Variants in USH1G observed in about 807,000 individuals in gnomAD.
The protein encoded by USH1G is pre-mRNA splicing regulator USH1G.
Under a neutral mutation model 31.9 loss-of-function variants are expected in USH1G, and 27 were observed. The observed-to-expected ratio is 0.85, with a 90% confidence interval of 0.62 to 1.17. USH1G has a LOEUF of 1.17. Among genes scored for constraint, USH1G ranks in the 50% most tolerant of loss-of-function variants. The pLI is 0.00. For synonymous variants in USH1G, 266 were observed against 283.2 expected, an observed-to-expected ratio of 0.94 and a Z score of 0.61; for missense variants, 674 against 638.9, an observed-to-expected ratio of 1.05 and a Z score of -0.59.
Position 74,922,971 on chromosome 17 carries a change from G to T in USH1G, c.103C>A (p.Pro35Thr). The T allele has an allele frequency of 1.3e-6, 2 of 1,556,482 alleles. No homozygotes were observed. The highest frequency in any genetic ancestry group is 4.8e-5 in the East Asian group (2 of 41,604). ...CCATGGTAGGCAGCCCAGAGAGTGG[G>T]GGTCATGCCATCCTCGTCGGGGGCA... is the stretch of plus-strand genomic sequence containing the variant. Reference protein sequence around the residue: ...LNAPDEDGMTPTLWAAYHGNL... With the variant: ...LNAPDEDGMTTTLWAAYHGNL... The change falls in exon 1 of 3, where the codon CCC becomes ACC. Residue 35 changes from proline to threonine, a missense_variant. By Grantham distance (38) the Pro-to-Thr change is conservative. Transcript: ENST00000614341.
At position 74,916,670 on chromosome 17, in the gene USH1G, G is replaced by C. The variant is rs2144747195; in HGVS notation, c.*1403C>G. On this transcript the variant is annotated 3_prime_UTR_variant, in exon 3 of 3. Transcript: ENST00000614341. ...GGACTCTCCCACATCTGTGACCTCA[G>C]TCTGGCTGGAGAGCTTTGGGGGCAT... The C allele has an allele frequency of 1.3e-5, 2 of 152,430 alleles. No individual in the cohort carries two copies. The highest frequency in any genetic ancestry group is 4.1e-4 in the South Asian group (2 of 4,838). The allele number at this position is 152,430 out of a possible 1,614,324, so 9.4% of individuals were successfully genotyped here.
chr17:74,918,098 G>A lies in USH1G; in HGVS notation c.1383-22C>T. Reference sequence around the variant, plus strand: ...TTATCTGTGGAGGAAGAGACAGAAAGAAACAGATCTCACATGAGGCCCTCC... The same window carrying A: ...TTATCTGTGGAGGAAGAGACAGAAAAAAACAGATCTCACATGAGGCCCTCC... On this transcript the variant is annotated intron_variant, in intron 2 of 2. Coordinates refer to ENST00000614341, the MANE Select transcript of USH1G (RefSeq NM_173477.5). The surrounding 1 kb of genome is among the most constrained non-coding windows in gnomAD (Gnocchi z 4.1). The A allele has an allele frequency of 6.2e-7, 1 of 1,613,908 alleles. No homozygotes were observed. Among genetic ancestry groups the A allele is most frequent in the Non-Finnish European group, 8.5e-7 (1 of 1,179,928 alleles).
chr17:74,919,344 G>T lies in USH1G; in HGVS notation c.1382+110C>A. On this transcript the variant is annotated intron_variant, in intron 2 of 2. Transcript: ENST00000614341. The surrounding 1 kb of genome is among the most constrained non-coding windows in gnomAD (Gnocchi z 4.5). ...ATCGATGGCCTCATTTCGATTTTAT[G>T]AAATACAGTATCCCCCACCCCCTAC... The T allele has an allele frequency of 6.9e-7, 1 of 1,447,176 alleles. No homozygotes were observed. The highest frequency in any genetic ancestry group is 9.1e-7 in the Non-Finnish European group (1 of 1,098,296). 89.6% of individuals were successfully genotyped at this position (1,447,176 alleles called of 1,614,324 possible). A position where few individuals can be genotyped will look rare whatever the true frequency, so the allele number is the denominator to read the frequency against.
chr17:74,919,437 C>G lies in USH1G; in HGVS notation c.1382+17G>C, dbSNP rs970523771. On this transcript the variant is annotated intron_variant, in intron 2 of 2. Coordinates refer to ENST00000614341, the MANE Select transcript of USH1G (RefSeq NM_173477.5). This position sits in a 1 kb window ranked among gnomAD's most constrained non-coding sequence, Gnocchi z 4.5. ...AACTCCTGCTCCTCCATCCCCCCCG[C>G]CAGGCTGGACACTCACAGCTCTGTG... is the stretch of plus-strand genomic sequence containing the variant. 6 of 1,594,820 alleles carry G rather than the reference C, an allele frequency of 3.8e-6. No homozygotes were observed. The African/African-American group carries it at 5.4e-5, about 14-fold the overall frequency.
In USH1G at chr17:74,919,480, G is replaced by A; in HGVS notation, c.1356C>T (p.Arg452=). 1 of 1,608,444 alleles carries A rather than the reference G, an allele frequency of 6.2e-7. No individual in the cohort carries two copies. Among genetic ancestry groups the A allele is most frequent in the Non-Finnish European group, 8.5e-7 (1 of 1,178,462 alleles). Residue 452 remains arginine, a synonymous_variant, in exon 2 of 3, where the codon CGC becomes CGT. Transcript: ENST00000614341. This position sits in a 1 kb window ranked among gnomAD's most constrained non-coding sequence, Gnocchi z 4.5. ...GCTCTGTGTCCTCCAGGGCCGGCGGGCGCTCCATCGCCTGCCGCCGCCTCC... is the reference window on the plus strand; with the variant it reads ...GCTCTGTGTCCTCCAGGGCCGGCGGACGCTCCATCGCCTGCCGCCGCCTCC... ...AVRRRRQAME[R]PPALEDTEL is the part of the protein sequence containing the mutation.
intron 1 of USH1G, 88 bp downstream of exon 1, chr17:74,922,822 G>A: frequency 1.4e-6 from 2 of 1,442,772 alleles, no homozygotes; most frequent in Admixed American, 2.2e-5. Flanking sequence ...CCTGTCTGCA[G>A]GGGAAGGAGG....
rs1315139353 is a variant in USH1G, at chr17:74,920,445, G to A, written c.391C>T (p.Leu131=). The A allele has an allele frequency of 6.2e-7, 1 of 1,613,598 alleles. No homozygotes were observed. The highest frequency in any genetic ancestry group is 8.5e-7 in the Non-Finnish European group (1 of 1,180,048). ...GCCTTGTCCTTCAGCTTACCCACCAGCTTGGGGTTGAGGCTGCTCTGCTTG... is the reference window on the plus strand; with the variant it reads ...GCCTTGTCCTTCAGCTTACCCACCAACTTGGGGTTGAGGCTGCTCTGCTTG... ...AAKQSSLNPK[L]VGKLKDKAFR... The change falls in exon 2 of 3, where the codon CTG becomes TTG. Residue 131 remains leucine (L), a synonymous_variant. Coordinates refer to ENST00000614341, the MANE Select transcript of USH1G (RefSeq NM_173477.5). The surrounding 1 kb of genome is among the most constrained non-coding windows in gnomAD (Gnocchi z 5.2).
rs774571563 is a variant in USH1G at position 74,920,181 on chromosome 17, T to G, written c.655A>C (p.Lys219Gln). 1.4e-5 allele frequency: 22 copies of G among 1,602,098 alleles called. No individual in the cohort carries two copies. In the South Asian group the frequency reaches 2.1e-4, roughly 15 times the overall value. The change falls in exon 2 of 3, where the codon AAG becomes CAG. Residue 219 changes from lysine (K) to glutamine (Q), a missense_variant. Lys to Gln is a moderately conservative substitution (Grantham distance 53, BLOSUM62 1). Coordinates refer to ENST00000614341, the MANE Select transcript of USH1G (RefSeq NM_173477.5). This position sits in a 1 kb window ranked among gnomAD's most constrained non-coding sequence, Gnocchi z 5.2. ...CCGCCCTGCTTGCGCCGCTCCAGCT[T>G]CTTCTGCATCTTGGTCTTGCCCCTG... is the stretch of plus-strand genomic sequence containing the variant. ...TARGKTKMQK[K>Q]LERRKQGGEG...
chr17:74,920,476 G>A lies in USH1G; in HGVS notation c.360C>T (p.Ile120=), dbSNP rs561119699. Residue 120 remains isoleucine, a synonymous_variant, in exon 2 of 3, where the codon ATC becomes ATT. Coordinates refer to ENST00000614341, the MANE Select transcript of USH1G (RefSeq NM_173477.5). The surrounding 1 kb of genome is among the most constrained non-coding windows in gnomAD (Gnocchi z 5.2). ...HMECVRYLDS[I]AAKQSSLNPK... is the part of the protein sequence containing the mutation. ...GGTTGAGGCTGCTCTGCTTGGCCGC[G>A]ATGGAGTCCAGGTAGCGCACGCATT... The A allele has an allele frequency of 6.2e-7, 1 of 1,613,796 alleles. No homozygotes were observed. Among genetic ancestry groups the A allele is most frequent in the South Asian group, 1.1e-5 (1 of 91,090 alleles).
chr17:74,919,050 A>G lies in USH1G; in HGVS notation c.1382+404T>C, dbSNP rs1418946290. Among the ~76,000 whole-genome samples the G allele has an allele frequency of 6.6e-6, 1 of 152,206 alleles. No individual in the cohort carries two copies. Among genetic ancestry groups the G allele is most frequent in the African/African-American group, 2.4e-5 (1 of 41,446 alleles). ...ACGATATAATCCACCAATATAGTCC[A>G]GCGCACACAGGCTTTTAGAGGGATT... On this transcript the variant is annotated intron_variant, in intron 2 of 2. Transcript: ENST00000614341. The surrounding 1 kb of genome is among the most constrained non-coding windows in gnomAD (Gnocchi z 4.5).
Position 74,921,111 on chromosome 17 carries a change from A to G in USH1G, c.165-440T>C, listed in dbSNP as rs927740164. On this transcript the variant is annotated intron_variant, in intron 1 of 2. Coordinates refer to ENST00000614341, the MANE Select transcript of USH1G (RefSeq NM_173477.5). This position sits in a 1 kb window ranked among gnomAD's most constrained non-coding sequence, Gnocchi z 4.6. ...TGGCTGCGTGTGCCGAGTGACCGTA[A>G]AAGAGAACAGACCAGTGGGTGGTGT... Among the ~76,000 whole-genome samples, 2 of 152,088 alleles carry G rather than the reference A, an allele frequency of 1.3e-5. No individual in the cohort carries two copies. Among genetic ancestry groups the G allele is most frequent in the African/African-American group, 4.8e-5 (2 of 41,412 alleles).
In USH1G at chr17:74,920,351, T is replaced by TC; in HGVS notation, c.484dup (p.Glu162GlyfsTer194). The TC allele has an allele frequency of 6.2e-7, 1 of 1,611,878 alleles. No individual in the cohort carries two copies. Reference sequence around the variant, plus strand: ...GGCCAGCTCGCGCCGGTATCGCCGCTCCATGCGTTCGTGGTGCCTCCGCTG... The same window carrying TC: ...GGCCAGCTCGCGCCGGTATCGCCGCTCCCATGCGTTCGTGGTGCCTCCGCTG... On this transcript the variant is annotated frameshift_variant, in exon 2 of 3. Transcript: ENST00000614341. LOFTEE classifies it high-confidence loss of function. This position sits in a 1 kb window ranked among gnomAD's most constrained non-coding sequence, Gnocchi z 5.2.
rs1258055997 is a variant in USH1G, at chr17:74,920,107, C to A, written c.729G>T (p.Ser243=). 1 of 1,603,176 alleles carries A rather than the reference C, an allele frequency of 6.2e-7. No individual in the cohort carries two copies. Residue 243 remains serine (S), a synonymous_variant, in exon 2 of 3, where the codon TCG becomes TCT. Coordinates refer to ENST00000614341, the MANE Select transcript of USH1G (RefSeq NM_173477.5). This position sits in a 1 kb window ranked among gnomAD's most constrained non-coding sequence, Gnocchi z 5.2. ...VSEDGRKSAR[S]LSGLQLGSDV... Reference sequence around the variant, plus strand: ...CGCTGCCCAGCTGCAGGCCCGAGAGCGAGCGGGCGCTCTTGCGCCCATCCT... The same window carrying A: ...CGCTGCCCAGCTGCAGGCCCGAGAGAGAGCGGGCGCTCTTGCGCCCATCCT...
chr17:74,919,314 T>G lies in USH1G; in HGVS notation c.1382+140A>C. ...GTGGTAAATAAAATAAGGGTGCCTTTTATCATCGATGGCCTCATTTCGATT... is the reference window on the plus strand; with the variant it reads ...GTGGTAAATAAAATAAGGGTGCCTTGTATCATCGATGGCCTCATTTCGATT... On this transcript the variant is annotated intron_variant, in intron 2 of 2. Transcript: ENST00000614341. This position sits in a 1 kb window ranked among gnomAD's most constrained non-coding sequence, Gnocchi z 4.5. 1 of 1,340,708 alleles carries G rather than the reference T, an allele frequency of 7.5e-7. No individual in the cohort carries two copies. Among genetic ancestry groups the G allele is most frequent in the Non-Finnish European group, 9.9e-7 (1 of 1,014,286 alleles). The allele number at this position is 1,340,708 out of a possible 1,614,324, so 83.1% of individuals were successfully genotyped here.
rs1217953823 is a variant in USH1G at position 74,920,735 on chromosome 17, G to A, written c.165-64C>T. On this transcript the variant is annotated intron_variant, in intron 1 of 2. Coordinates refer to ENST00000614341, the MANE Select transcript of USH1G (RefSeq NM_173477.5). This position sits in a 1 kb window ranked among gnomAD's most constrained non-coding sequence, Gnocchi z 5.2. ...CTGGCTGGGGATGGAGGTGGAGGGA[G>A]TGGAGGGGGGAGGGGAGCTTCCCCA... The A allele has an allele frequency of 1.3e-6, 2 of 1,599,856 alleles. No individual in the cohort carries two copies. The highest frequency in any genetic ancestry group is 2.2e-5 in the East Asian group (1 of 44,610).
intron 1 of USH1G, among the ~76,000 whole-genome samples, chr17:74,922,695 C>T (rs1033881285): frequency 1.5e-4 from 23 of 152,114 alleles, no homozygotes; most frequent in African/African-American, 4.3e-4. Flanking sequence ...CCCCAAATCC[C>T]GGTTTCTCCC....
At position 74,921,437 on chromosome 17, in the gene USH1G, C is replaced by T. The variant is rs1469635766; in HGVS notation, c.165-766G>A. On this transcript the variant is annotated intron_variant, in intron 1 of 2. Transcript: ENST00000614341. This position sits in a 1 kb window ranked among gnomAD's most constrained non-coding sequence, Gnocchi z 4.6. The stretch of plus-strand genomic sequence containing the variant: ...GACCCCCGACAGCCCCCACAAGCAC[C>T]CTTCACACCAGACGGGTGTCCCCCA... Among the ~76,000 whole-genome samples, 1 of 151,994 alleles carries T rather than the reference C, an allele frequency of 6.6e-6. No individual in the cohort carries two copies. The highest frequency in any genetic ancestry group is 1.9e-4 in the East Asian group (1 of 5,148).
Position 74,918,014 on chromosome 17 carries a change from C to A in USH1G, c.*59G>T. The A allele has an allele frequency of 6.2e-7, 1 of 1,612,640 alleles. No individual in the cohort carries two copies. The highest frequency in any genetic ancestry group is 8.5e-7 in the Non-Finnish European group (1 of 1,178,960). ...GCTGGCAACTGTGAGGACCTCGAGA[C>A]CCCACCATAGGTTGTGGCAACTTGC... On this transcript the variant is annotated 3_prime_UTR_variant, in exon 3 of 3. Coordinates refer to ENST00000614341, the MANE Select transcript of USH1G (RefSeq NM_173477.5). This position sits in a 1 kb window ranked among gnomAD's most constrained non-coding sequence, Gnocchi z 4.1.
At position 74,920,619 on chromosome 17, in the gene USH1G, C is replaced by T; in HGVS notation, c.217G>A (p.Ala73Thr). 1 of 1,613,876 alleles carries T rather than the reference C, an allele frequency of 6.2e-7. No individual in the cohort carries two copies. Among genetic ancestry groups the T allele is most frequent in the Non-Finnish European group, 8.5e-7 (1 of 1,180,046 alleles). Residue 73 changes from alanine (A) to threonine (T), a missense_variant, in exon 2 of 3, where the codon GCT becomes ACT. Transcript: ENST00000614341. The surrounding 1 kb of genome is among the most constrained non-coding windows in gnomAD (Gnocchi z 5.2). ...AGGCAGTGCAAGTGGCCATTGGAAG[C>T]TGCCAGATGCAGGGGTGTGTTGCCC... ...IWGNTPLHLA[A>T]SNGHLHCLSF...
Sources: allele counts gnomAD v4.1 joint callset (sites outside exome capture counted in the v4.1 genomes callset), GRCh38; gene constraint gnomAD v4.1.1; non-coding constraint Gnocchi (gnomAD v3.1); transcripts MANE v1.5; gene names NCBI Gene and HGNC (gene_info 2026-07-23, HGNC 2026-07-21).